The following PPP1R12A variants were observed in gnomAD, a reference collection of about 807,000 sequenced individuals.
The protein encoded by PPP1R12A is myosin binding subunit.
Under a neutral mutation model 139.6 loss-of-function variants are expected in PPP1R12A, and 19 were observed. That is an observed-to-expected ratio of 0.14 (90% CI 0.09 to 0.20). PPP1R12A has a LOEUF of 0.20. PPP1R12A is among the 10% of genes least tolerant of loss of function. The pLI, the probability that PPP1R12A is intolerant of heterozygous loss-of-function variation, is 1.00. For synonymous variants in PPP1R12A, 427 were observed against 420.6 expected, an observed-to-expected ratio of 1.02 and a Z score of -0.19; for missense variants, 925 against 1,211.5, an observed-to-expected ratio of 0.76 and a Z score of 3.51.
At chr12:79,924,747 GA>G (rs1377514922) in intron 1 of PPP1R12A, among the ~76,000 whole-genome samples, 3 of 152,088 alleles carry the variant, frequency 2.0e-5, no homozygotes, top group African/African-American at 7.2e-5. Context: ...ATCTTTTGCA[GA>G]AAACACAAAC....
intron 2 of PPP1R12A, among the ~76,000 whole-genome samples, chr12:79,853,064 G>A (rs1471852527): frequency 6.6e-6 from 1 of 152,190 alleles, no homozygotes; most frequent in African/African-American, 2.4e-5. Context: ...CACAATTCCA[G>A]TGGAGGAGGT....
chr12:79,797,226 T>C lies in PPP1R12A; in HGVS notation c.2261A>G (p.Tyr754Cys). 1.9e-6 allele frequency: 3 copies of C among 1,589,020 alleles called. No homozygotes were observed. The highest frequency in any genetic ancestry group is 2.6e-6 in the Non-Finnish European group (3 of 1,167,612). ...ATACGTTCTGGAGTACTTTTGTTTA[T>C]ATTCATCTTCTCTAGATGTTTCTGA... The part of the protein sequence containing the change: ...KESETSREDE[Y>C]KQKYSRTYDE... Residue 754 changes from tyrosine (Y) to cysteine (C), a missense_variant, in exon 16 of 25, where the codon TAT becomes TGT. Transcript: ENST00000450142.
rs116247945 is a variant in PPP1R12A at position 79,868,964 on chromosome 12, T to G, written c.368+3844A>C. ...ATCAAAGTAGTAACATTCTTAAGAA[T>G]GAAAAAGTCAAGGCAGTGAGTATTT... On this transcript the variant is annotated intron_variant, in intron 2 of 24. Coordinates refer to ENST00000450142, the MANE Select transcript of PPP1R12A (RefSeq NM_002480.3). Among the ~76,000 whole-genome samples, 642 of 152,318 alleles carry G rather than the reference T, an allele frequency of 4.2e-3. 3 individuals carry two copies. Among genetic ancestry groups the G allele is most frequent in the African/African-American group, 0.015 (605 of 41,574 alleles).
chr12:79,811,615 T>G (rs1198141395), intron 9 of PPP1R12A, among the ~76,000 whole-genome samples: 1 of 152,246 alleles, frequency 6.6e-6, no homozygotes, highest in African/African-American at 2.4e-5. Flanking sequence ...GACAGCTGCT[T>G]ATTGATTGGT....
chr12:79,782,485 A>G, intron 22 of PPP1R12A: 1 of 427,498 alleles, frequency 2.3e-6, no homozygotes, highest in South Asian at 1.7e-5. Flanking sequence ...CACTTCCTGT[A>G]CTATCTGACC....
chr12:79,904,478 GC>G (rs1347067960), intron 1 of PPP1R12A, among the ~76,000 whole-genome samples: 2 of 152,002 alleles, frequency 1.3e-5, no homozygotes, highest in African/African-American at 4.8e-5. Flanking sequence ...AATGGGAAAG[GC>G]TGTGCTAGGT....
At chr12:79,915,953 C>T (rs1886959748) in intron 1 of PPP1R12A, among the ~76,000 whole-genome samples, 1 of 150,232 alleles carries the variant, frequency 6.7e-6, no homozygotes, top group Admixed American at 6.6e-5. Context: ...TCAAGCTATA[C>T]TGTTTGCAAC....
At chr12:79,872,465 A>G (rs1385294788) in intron 2 of PPP1R12A, among the ~76,000 whole-genome samples, 1 of 152,148 alleles carries the variant, frequency 6.6e-6, no homozygotes. Flanking sequence ...CAGTTGCCAA[A>G]TTTATGATTA....
intron 24 of PPP1R12A, 32 bp downstream of exon 24, chr12:79,778,518 A>ACT: frequency 2.2e-6 from 3 of 1,389,876 alleles, no homozygotes; most frequent in Admixed American, 2.2e-5. Context: ...CATAAACAGC[A>ACT]CTCTCTCTCA....
chr12:79,775,082 A>AAAC lies in PPP1R12A; in HGVS notation c.*844_*846dup, dbSNP rs1214883530. On this transcript the variant is annotated 3_prime_UTR_variant, in exon 25 of 25. Coordinates refer to ENST00000450142, the MANE Select transcript of PPP1R12A (RefSeq NM_002480.3). ...ATGCCATGTGGTGGTCTAAAAATCA[A>AAAC]AACAATACACTTATTTGTATATACA... The AAAC allele has an allele frequency of 1.3e-5, 2 of 152,572 alleles. No individual in the cohort carries two copies. The highest frequency in any genetic ancestry group is 2.9e-5 in the Non-Finnish European group (2 of 67,978). The allele number at this position is 152,572 out of a possible 1,614,324, so 9.5% of individuals were successfully genotyped here.
At chr12:79,852,349 C>A (rs1880152716) in intron 2 of PPP1R12A, among the ~76,000 whole-genome samples, 1 of 151,928 alleles carries the variant, frequency 6.6e-6, no homozygotes, top group Non-Finnish European at 1.5e-5. Flanking sequence ...TGCCATCACG[C>A]CTGGCTAATT....
At chr12:79,921,930 AC>A (rs1288192292) in intron 1 of PPP1R12A, among the ~76,000 whole-genome samples, 1 of 152,210 alleles carries the variant, frequency 6.6e-6, no homozygotes, top group African/African-American at 2.4e-5. Flanking sequence ...TCACAAACAC[AC>A]ACACACAGAG....
chr12:79,820,520 T>C (rs1875970121), intron 8 of PPP1R12A, among the ~76,000 whole-genome samples: 1 of 152,148 alleles, frequency 6.6e-6, no homozygotes, highest in Non-Finnish European at 1.5e-5. Context: ...TAAGGAGTCT[T>C]AGAAGCCTCT....
chr12:79,779,917 T>G (rs533206945), intron 23 of PPP1R12A: 1 of 154,212 alleles, frequency 6.5e-6, no homozygotes, highest in Non-Finnish European at 1.4e-5. Context: ...TTAAAAAATA[T>G]AACTGGCCAG....
intron 2 of PPP1R12A, among the ~76,000 whole-genome samples, chr12:79,864,269 T>C (rs965556281): frequency 4.6e-5 from 7 of 152,188 alleles, no homozygotes; most frequent in African/African-American, 1.4e-4. Flanking sequence ...AAGGCAGAGA[T>C]AAAGATGTTC....
At chr12:79,887,771 A>T (rs1884239125) in intron 1 of PPP1R12A, among the ~76,000 whole-genome samples, 1 of 152,174 alleles carries the variant, frequency 6.6e-6, no homozygotes, top group Admixed American at 6.5e-5. Context: ...CTATTTACTT[A>T]AAAAACAAGT....
intron 22 of PPP1R12A, among the ~76,000 whole-genome samples, chr12:79,783,066 C>G (rs1870660234): frequency 6.6e-6 from 1 of 151,880 alleles, no homozygotes; most frequent in African/African-American, 2.4e-5. Flanking sequence ...CTTACTTTTT[C>G]TCTTATTTTA....
chr12:79,773,572 GCATA>G lies in PPP1R12A; in HGVS notation c.*2353_*2356del, dbSNP rs1400131661. 4 of 151,970 alleles carry G rather than the reference GCATA, an allele frequency of 2.6e-5. No homozygotes were observed. The highest frequency in any genetic ancestry group is 4.8e-5 in the African/African-American group (2 of 41,354). The allele number at this position is 151,970 out of a possible 1,614,324, so 9.4% of individuals were successfully genotyped here. A position where few individuals can be genotyped will look rare whatever the true frequency, so the allele number is the denominator to read the frequency against. On this transcript the variant is annotated 3_prime_UTR_variant, in exon 25 of 25. Transcript: ENST00000450142. ...ATAAAAAAACTAGTTCTCAGATTCT[GCATA>G]CAGACAGCTTTATGTAAAATATATA... is the stretch of plus-strand genomic sequence containing the variant.
In PPP1R12A at chr12:79,816,263, AATAAC is replaced by A. The variant is rs2137095826; in HGVS notation, c.1239+1126_1239+1130del. Among the ~76,000 whole-genome samples, 3 of 152,324 alleles carry A rather than the reference AATAAC, an allele frequency of 2.0e-5. No individual in the cohort carries two copies. The East Asian group carries it at 5.8e-4, about 29-fold the overall frequency. ...GGAAAATCTGGGTATATTAGTTATTAATAACATAATAGTATTATACCAAAGTTAAA... is the reference window on the plus strand; with the variant it reads ...GGAAAATCTGGGTATATTAGTTATTAATAATAGTATTATACCAAAGTTAAA... On this transcript the variant is annotated intron_variant, in intron 9 of 24. Coordinates refer to ENST00000450142, the MANE Select transcript of PPP1R12A (RefSeq NM_002480.3).
Sources: gnomAD v4.1 joint callset for allele counts (sites outside exome capture counted in the v4.1 genomes callset) on GRCh38, gnomAD v4.1.1 for gene constraint, MANE v1.5 for transcripts, NCBI Gene and HGNC (gene_info 2026-07-23, HGNC 2026-07-21) for gene names.